GNA14: variants seen among roughly 807,000 people sequenced by gnomAD.
The protein encoded by GNA14 is guanine nucleotide-binding protein subunit alpha-14.
GNA14 carries 50 observed loss-of-function variants against 42.0 expected under a neutral mutation model. The ratio of observed to expected loss-of-function variants is 1.19; its 90% CI spans 0.95 to 1.51. GNA14 has a LOEUF of 1.51. Among genes scored for constraint, GNA14 ranks in the 40% most tolerant of loss-of-function variants. The pLI is 0.00. For missense variants in GNA14, 473 were observed against 446.2 expected (o/e 1.06, Z -0.54); for synonymous variants, 173 against 163.1 (o/e 1.06, Z -0.46).
At chr9:77,550,262 T>A (rs1322426207) in intron 1 of GNA14, among the ~76,000 whole-genome samples, 2 of 152,182 alleles carry the variant, frequency 1.3e-5, no homozygotes, top group Non-Finnish European at 2.9e-5. Flanking sequence ...ATATGCTCTT[T>A]CAGCCTCGGT....
intron 1 of GNA14, among the ~76,000 whole-genome samples, chr9:77,606,906 T>C (rs556045421): frequency 7.2e-5 from 11 of 152,242 alleles, no homozygotes; most frequent in Non-Finnish European, 1.3e-4. Flanking sequence ...TATCTTATTA[T>C]AAGAACAGGA....
At chr9:77,617,729 C>A (rs1385266202) in intron 1 of GNA14, among the ~76,000 whole-genome samples, 3 of 152,072 alleles carry the variant, frequency 2.0e-5, no homozygotes, top group Non-Finnish European at 4.4e-5. Context: ...TGCTCAACTC[C>A]AAACACAATG....
intron 1 of GNA14, among the ~76,000 whole-genome samples, chr9:77,550,123 A>C (rs1587826941): frequency 6.6e-6 from 1 of 152,276 alleles, no homozygotes; most frequent in East Asian, 1.9e-4. Context: ...AACACCAGCC[A>C]GGGGTTTCCA....
chr9:77,481,975 C>CA (rs1836560761), intron 2 of GNA14, among the ~76,000 whole-genome samples: 1 of 152,134 alleles, frequency 6.6e-6, no homozygotes, highest in African/African-American at 2.4e-5. Flanking sequence ...CTGAATACAG[C>CA]ACACTGATGG....
intron 1 of GNA14, among the ~76,000 whole-genome samples, chr9:77,624,402 C>G (rs1012482974): frequency 2.0e-5 from 3 of 152,322 alleles, no homozygotes; most frequent in Non-Finnish European, 2.9e-5. Flanking sequence ...GATCTCCCAG[C>G]ACAATGCTCC....
rs142174366 is a variant in GNA14, at chr9:77,600,104, A to C, written c.124+47566T>G. ...CAACTAAAATAAATTAATAATAATA[A>C]CAAAAGCCAGCTATAAACAGCATGA... On this transcript the variant is annotated intron_variant, in intron 1 of 6. Transcript: ENST00000341700. 6.1e-3 allele frequency among the ~76,000 whole-genome samples: 923 copies of C among 152,314 alleles called. 9 individuals are homozygous for C. The highest frequency in any genetic ancestry group is 0.01 in the Middle Eastern group (3 of 294).
intron 2 of GNA14, among the ~76,000 whole-genome samples, chr9:77,444,869 G>A (rs115940902): frequency 0.023 from 3,482 of 152,306 alleles, 142 homozygotes; most frequent in African/African-American, 0.079. Context: ...ACTCAGCTGG[G>A]CACCAGCAGG....
At chr9:77,464,377 G>A (rs7867523) in intron 2 of GNA14, among the ~76,000 whole-genome samples, 81,606 of 150,416 alleles carry the variant, frequency 0.54, 22,502 homozygotes, top group East Asian at 0.82. Context: ...GTGTGTGTGT[G>A]TGTGTGTGTG....
chr9:77,453,309 T>C (rs957555309), intron 2 of GNA14, among the ~76,000 whole-genome samples: 3 of 152,174 alleles, frequency 2.0e-5, no homozygotes, highest in South Asian at 2.1e-4. Flanking sequence ...TCCCCAGAAC[T>C]GTGAGCAGTA....
chr9:77,541,674 A>C, intron 1 of GNA14, among the ~76,000 whole-genome samples: 1 of 152,156 alleles, frequency 6.6e-6, no homozygotes, highest in East Asian at 1.9e-4. Flanking sequence ...CTGATAATTT[A>C]AATTTTGGTT....
chr9:77,497,076 TA>T (rs1250697199), intron 2 of GNA14, among the ~76,000 whole-genome samples: 4 of 152,180 alleles, frequency 2.6e-5, no homozygotes, highest in Admixed American at 6.5e-5. Context: ...CTGTATCCTC[TA>T]CTTCTCACTC....
Position 77,598,576 on chromosome 9 carries a change from C to T in GNA14, c.124+49094G>A, listed in dbSNP as rs189229299. On this transcript the variant is annotated intron_variant, in intron 1 of 6. Transcript: ENST00000341700. Reference sequence around the variant, plus strand: ...TGAACACATCAGAGAAAACATAAGACGCAACTTTCCCTCAAATCCAGAAAA... The same window carrying T: ...TGAACACATCAGAGAAAACATAAGATGCAACTTTCCCTCAAATCCAGAAAA... 6.6e-5 allele frequency among the ~76,000 whole-genome samples: 10 copies of T among 152,232 alleles called. 1 individual carries two copies. The South Asian group carries it at 1.5e-3, about 22-fold the overall frequency.
chr9:77,642,045 T>C (rs1027570841), intron 1 of GNA14, among the ~76,000 whole-genome samples: 1 of 152,176 alleles, frequency 6.6e-6, no homozygotes, highest in Non-Finnish European at 1.5e-5. Flanking sequence ...AAAAAAGATT[T>C]GGAGCAGGAG....
At chr9:77,561,485 C>G (rs1822882682) in intron 1 of GNA14, among the ~76,000 whole-genome samples, 1 of 152,070 alleles carries the variant, frequency 6.6e-6, no homozygotes, top group South Asian at 2.1e-4. Context: ...TAGATAAGCA[C>G]AATGTGGTAT....
chr9:77,643,940 A>C (rs1344798997), intron 1 of GNA14, among the ~76,000 whole-genome samples: 1 of 152,298 alleles, frequency 6.6e-6, no homozygotes, highest in East Asian at 1.9e-4. Context: ...TCCACAGCTA[A>C]GACACTGTAG....
chr9:77,498,113 C>A, intron 2 of GNA14, among the ~76,000 whole-genome samples: 1 of 152,154 alleles, frequency 6.6e-6, no homozygotes, highest in East Asian at 1.9e-4. Flanking sequence ...GTGGCTCACG[C>A]CTGTAATCCC....
chr9:77,575,622 G>A (rs1027838328), intron 1 of GNA14, among the ~76,000 whole-genome samples: 4 of 152,134 alleles, frequency 2.6e-5, no homozygotes, highest in Non-Finnish European at 5.9e-5. Context: ...GACAGGCCCA[G>A]ACAATGATTT....
intron 1 of GNA14, among the ~76,000 whole-genome samples, chr9:77,631,803 G>A (rs914396732): frequency 8.5e-5 from 13 of 152,108 alleles, no homozygotes; most frequent in South Asian, 6.2e-4. Flanking sequence ...TGGCAGTGGC[G>A]GGCCATCTGG....
rs1213011131 is a variant in GNA14 at position 77,467,750 on chromosome 9, A to T, written c.310-33228T>A. 6.0e-5 allele frequency among the ~76,000 whole-genome samples: 9 copies of T among 149,148 alleles called. No homozygotes were observed. In the Admixed American group the frequency reaches 6.1e-4, roughly 10 times the overall value. On this transcript the variant is annotated intron_variant, in intron 2 of 6. Coordinates refer to ENST00000341700, the MANE Select transcript of GNA14 (RefSeq NM_004297.4). ...TCCCTTTAGATAGAACACCCATGCC[A>T]CTACACCAGAGCTGGGAGCAGGGAC...
Sources: allele counts gnomAD v4.1 joint callset (sites outside exome capture counted in the v4.1 genomes callset), GRCh38; gene constraint gnomAD v4.1.1; transcripts MANE v1.5; gene names NCBI Gene and HGNC (gene_info 2026-07-23, HGNC 2026-07-21).